The following TSPEAR variants were observed in gnomAD, a reference collection of about 807,000 sequenced individuals.
The protein encoded by TSPEAR is thrombospondin type laminin G domain and EAR repeats.
In TSPEAR, 69 loss-of-function variants were observed where a neutral mutation model predicts 71.6. That is an observed-to-expected ratio of 0.96 (90% CI 0.79 to 1.18). TSPEAR has a LOEUF of 1.18. Ranked by LOEUF, TSPEAR falls within the 50% of genes most tolerant of loss-of-function variation. The pLI is 0.00. For synonymous variants in TSPEAR, 402 were observed against 387.2 expected (o/e 1.04, Z -0.45); for missense variants, 971 against 894.9 (o/e 1.09, Z -1.09).
intron 1 of TSPEAR, among the ~76,000 whole-genome samples, chr21:44,662,301 A>C (rs1296597351): frequency 6.6e-6 from 1 of 152,220 alleles, no homozygotes. Context: ...AGATGGAAAA[A>C]TACACCACAC....
At chr21:44,676,906 A>T in intron 1 of TSPEAR, 2 of 887,434 alleles carry the variant, frequency 2.3e-6, no homozygotes, top group Admixed American at 1.7e-5. Flanking sequence ...CAGCTGATCG[A>T]TGTGACGATG....
At chr21:44,625,982 G>A (rs1308955939) in intron 1 of TSPEAR, among the ~76,000 whole-genome samples, 1 of 152,200 alleles carries the variant, frequency 6.6e-6, no homozygotes, top group Non-Finnish European at 1.5e-5. Context: ...GCTGGCCATA[G>A]CTGGTCAACT....
chr21:44,569,808 G>A (rs1486293292), intron 1 of TSPEAR, among the ~76,000 whole-genome samples: 18 of 152,014 alleles, frequency 1.2e-4, no homozygotes, highest in African/African-American at 4.1e-4. Flanking sequence ...AGGCTGCTGT[G>A]TGTGTTTAGG....
intron 1 of TSPEAR, among the ~76,000 whole-genome samples, chr21:44,685,280 T>C (rs1986804188): frequency 6.6e-6 from 1 of 152,092 alleles, no homozygotes; most frequent in Admixed American, 6.5e-5. Context: ...ACCCCTACTG[T>C]GTGACACCAC....
At chr21:44,602,539 G>T (rs1211108926) in intron 1 of TSPEAR, among the ~76,000 whole-genome samples, 1 of 152,204 alleles carries the variant, frequency 6.6e-6, no homozygotes, top group Non-Finnish European at 1.5e-5. Flanking sequence ...CTTGGCTGGC[G>T]TCTGGGAACT....
chr21:44,701,919 A>G (rs1987667678), intron 1 of TSPEAR, among the ~76,000 whole-genome samples: 1 of 151,904 alleles, frequency 6.6e-6, no homozygotes, highest in Non-Finnish European at 1.5e-5. Flanking sequence ...GTCTCTCCCT[A>G]TCCTCCCTGC....
At chr21:44,559,095 C>T (rs1555920587) in intron 2 of TSPEAR, among the ~76,000 whole-genome samples, 1 of 152,160 alleles carries the variant, frequency 6.6e-6, no homozygotes, top group Non-Finnish European at 1.5e-5. Context: ...CAGCCCTCTG[C>T]TCCATCCCAG....
rs117757565 is a variant in TSPEAR, at chr21:44,502,546, C to T, written c.1856+2234G>A. ...AAACTCCTGGAAATAAATGAGAACA[C>T]CACAGTGTCTATGAGAGAAAAATTA... On this transcript the variant is annotated intron_variant, in intron 11 of 11. Transcript: ENST00000323084. Among the ~76,000 whole-genome samples the T allele has an allele frequency of 8.6e-3, 1,308 of 152,332 alleles. 7 individuals are homozygous for T. The highest frequency in any genetic ancestry group is 0.014 in the Non-Finnish European group (962 of 68,040).
intron 2 of TSPEAR, among the ~76,000 whole-genome samples, chr21:44,538,357 T>A (rs778507507): frequency 7.9e-5 from 12 of 151,298 alleles, no homozygotes; most frequent in Non-Finnish European, 1.3e-4. Context: ...GCTGACTGTG[T>A]GCCCGCACCG....
chr21:44,526,503 A>C (rs1555914952), intron 7 of TSPEAR, among the ~76,000 whole-genome samples: 2 of 152,284 alleles, frequency 1.3e-5, no homozygotes, highest in East Asian at 3.9e-4. Context: ...CAAAAAAAAA[A>C]AAACCAACTA....
Position 44,506,397 on chromosome 21 carries a change from C to A in TSPEAR, c.1755-1516G>T, listed in dbSNP as rs587749903. Among the ~76,000 whole-genome samples the A allele has an allele frequency of 1.3e-5, 2 of 152,384 alleles. No individual in the cohort carries two copies. Among genetic ancestry groups the A allele is most frequent in the Admixed American group, 1.3e-4 (2 of 15,310 alleles). On this transcript the variant is annotated intron_variant, in intron 10 of 11. Coordinates refer to ENST00000323084, the MANE Select transcript of TSPEAR (RefSeq NM_144991.3). The surrounding 1 kb of genome is among the most constrained non-coding windows in gnomAD (Gnocchi z 4.2). Reference sequence around the variant, plus strand: ...AGGCGGGTGCCTCTGTATTCAGCAGCCTCAGGGCTGTGGCCAGTTCAGGCA... The same window carrying A: ...AGGCGGGTGCCTCTGTATTCAGCAGACTCAGGGCTGTGGCCAGTTCAGGCA...
rs587666637 is a variant in TSPEAR at position 44,524,179 on chromosome 21, TCAGA to T, written c.1336+1470_1336+1473del. Among the ~76,000 whole-genome samples, 20 of 151,178 alleles carry T rather than the reference TCAGA, an allele frequency of 1.3e-4. No homozygotes were observed. The South Asian group carries it at 2.5e-3, about 19-fold the overall frequency. ...GTCAAGTAGTTAGGTAATCAGTCAG[TCAGA>T]CAGTCAGGTAGTTAGGCAGGTAGTC... On this transcript the variant is annotated intron_variant, in intron 8 of 11. Coordinates refer to ENST00000323084, the MANE Select transcript of TSPEAR (RefSeq NM_144991.3).
At chr21:44,682,191 C>G in intron 1 of TSPEAR, 1 of 1,556,066 alleles carries the variant, frequency 6.4e-7, no homozygotes, top group South Asian at 1.2e-5. Flanking sequence ...CCCTGGGTAG[C>G]CTTTATACCT....
intron 1 of TSPEAR, among the ~76,000 whole-genome samples, chr21:44,699,377 C>CAAAA (rs55846070): frequency 0.23 from 15,169 of 65,040 alleles, 1,925 homozygotes; most frequent in Non-Finnish European, 0.31. Flanking sequence ...GACACTGTCT[C>CAAAA]AAAAAAAAAA....
chr21:44,612,286 C>T lies in TSPEAR; in HGVS notation c.83-44281G>A, dbSNP rs782128675. On this transcript the variant is annotated intron_variant, in intron 1 of 11. Coordinates refer to ENST00000323084, the MANE Select transcript of TSPEAR (RefSeq NM_144991.3). This position sits in a 1 kb window ranked among gnomAD's most constrained non-coding sequence, Gnocchi z 4.1. ...GCTCCTGTGCCTCCAGCTGCTGTACCCCTAGCTGCTGTGCCCCAGCCCCCT... is the reference window on the plus strand; with the variant it reads ...GCTCCTGTGCCTCCAGCTGCTGTACTCCTAGCTGCTGTGCCCCAGCCCCCT... The T allele has an allele frequency of 4.3e-6, 7 of 1,613,558 alleles. No individual in the cohort carries two copies. In the South Asian group the frequency reaches 5.5e-5, roughly 13 times the overall value.
chr21:44,535,249 A>G (rs1252133428), intron 2 of TSPEAR, among the ~76,000 whole-genome samples: 1 of 152,216 alleles, frequency 6.6e-6, no homozygotes, highest in Admixed American at 6.5e-5. Flanking sequence ...TTTTACCACA[A>G]TTAAAAAACA....
chr21:44,654,167 C>A, intron 1 of TSPEAR: 1 of 860,550 alleles, frequency 1.2e-6, no homozygotes, highest in South Asian at 1.6e-5. Context: ...GCGGTCTAGT[C>A]AGGTGACGAC....
intron 1 of TSPEAR, among the ~76,000 whole-genome samples, chr21:44,709,516 G>A (rs1190983740): frequency 1.3e-5 from 2 of 152,244 alleles, no homozygotes; most frequent in African/African-American, 4.8e-5. Context: ...AATCAAAGCA[G>A]GTTCCCCTCC....
chr21:44,662,434 C>T (rs977498735), intron 1 of TSPEAR, among the ~76,000 whole-genome samples: 2 of 152,102 alleles, frequency 1.3e-5, no homozygotes, highest in Non-Finnish European at 2.9e-5. Context: ...ACCATGGACA[C>T]GTAACAATTC....
Sources: allele counts gnomAD v4.1 joint callset (sites outside exome capture counted in the v4.1 genomes callset), GRCh38; gene constraint gnomAD v4.1.1; non-coding constraint Gnocchi (gnomAD v3.1); transcripts MANE v1.5; gene names NCBI Gene and HGNC (gene_info 2026-07-23, HGNC 2026-07-21).